Variants in CFAP299 observed in about 807,000 individuals in gnomAD.
CFAP299 encodes the protein cilia and flagella associated protein 299, also known as cilia- and flagella-associated protein 299.
In CFAP299, 21 loss-of-function variants were observed where a neutral mutation model predicts 27.0. That is an observed-to-expected ratio of 0.78 (90% CI 0.55 to 1.12). The LOEUF is 1.12. CFAP299 is among the 50% of genes most tolerant of loss of function. The pLI, the probability that CFAP299 is intolerant of heterozygous loss-of-function variation, is 0.00. For synonymous variants in CFAP299, 104 were observed against 98.1 expected (o/e 1.06, Z -0.36); for missense variants, 310 against 276.6 (o/e 1.12, Z -0.86).
intron 3 of CFAP299, among the ~76,000 whole-genome samples, chr4:80,612,507 C>T (rs1295187313): frequency 1.3e-5 from 2 of 152,030 alleles, no homozygotes; most frequent in East Asian, 1.9e-4. Flanking sequence ...TTTGCAGAAA[C>T]ATCCCATCCA....
chr4:80,775,920 A>C (rs575064654), intron 3 of CFAP299, among the ~76,000 whole-genome samples: 14 of 152,272 alleles, frequency 9.2e-5, no homozygotes, highest in African/African-American at 3.1e-4. Context: ...TAAATATGAC[A>C]ATTTGATGCC....
intron 3 of CFAP299, among the ~76,000 whole-genome samples, chr4:80,758,304 GCCAGATGC>G (rs1393504360): frequency 6.6e-6 from 1 of 152,104 alleles, no homozygotes; most frequent in African/African-American, 2.4e-5. Context: ...GTTGTCCCAG[GCCAGATGC>G]CTCTCCAAAG....
chr4:80,904,587 C>A (rs529143427), intron 4 of CFAP299, among the ~76,000 whole-genome samples: 1 of 151,144 alleles, frequency 6.6e-6, no homozygotes, highest in African/African-American at 2.4e-5. Flanking sequence ...ATGGTAAGAT[C>A]TGGAGGGACT....
intron 2 of CFAP299, among the ~76,000 whole-genome samples, chr4:80,557,655 G>A (rs1206587123): frequency 6.6e-6 from 1 of 151,998 alleles, no homozygotes; most frequent in East Asian, 1.9e-4. Context: ...TAGGTCCCAT[G>A]CCAAAAGTAT....
At chr4:80,855,903 G>C (rs533949388) in intron 3 of CFAP299, among the ~76,000 whole-genome samples, 1 of 151,612 alleles carries the variant, frequency 6.6e-6, no homozygotes, top group Non-Finnish European at 1.5e-5. Flanking sequence ...ATGATTTATA[G>C]TCCTTTGGGT....
At chr4:80,757,804 C>T (rs1312155538) in intron 3 of CFAP299, among the ~76,000 whole-genome samples, 1 of 152,038 alleles carries the variant, frequency 6.6e-6, no homozygotes, top group Non-Finnish European at 1.5e-5. Context: ...TCCCTGACCC[C>T]TTTGTGGGTG....
intron 3 of CFAP299, among the ~76,000 whole-genome samples, chr4:80,769,046 C>A (rs1726056689): frequency 1.3e-5 from 2 of 152,138 alleles, no homozygotes; most frequent in Non-Finnish European, 2.9e-5. Context: ...GGGAGCAGAG[C>A]AGATTAGATT....
intron 2 of CFAP299, chr4:80,387,054 T>C: frequency 7.1e-7 from 1 of 1,411,298 alleles, no homozygotes; most frequent in Non-Finnish European, 1.0e-6. Context: ...CTTCTAGCAG[T>C]GTGGGCAGGG....
At chr4:80,431,936 A>T (rs1475261490) in intron 2 of CFAP299, among the ~76,000 whole-genome samples, 1 of 152,104 alleles carries the variant, frequency 6.6e-6, no homozygotes, top group Admixed American at 6.5e-5. Flanking sequence ...TTCACAGAAG[A>T]GTTTGTTGTT....
At chr4:80,865,928 G>T (rs1334716205) in intron 3 of CFAP299, among the ~76,000 whole-genome samples, 1 of 99,240 alleles carries the variant, frequency 1.0e-5, no homozygotes, top group Non-Finnish European at 2.1e-5. Context: ...GTGGGGTGGG[G>T]GGAGGGGGGA....
intron 2 of CFAP299, among the ~76,000 whole-genome samples, chr4:80,491,128 A>G (rs1427494735): frequency 1.3e-5 from 2 of 152,066 alleles, no homozygotes; most frequent in African/African-American, 2.4e-5. Flanking sequence ...CAAAATTATT[A>G]AACTGTAATA....
intron 2 of CFAP299, among the ~76,000 whole-genome samples, chr4:80,572,394 A>T (rs1735624331): frequency 1.3e-5 from 2 of 151,350 alleles, no homozygotes; most frequent in African/African-American, 4.9e-5. Flanking sequence ...TTTAGCTTCT[A>T]GCTTCCACAA....
intron 2 of CFAP299, among the ~76,000 whole-genome samples, chr4:80,388,915 G>A (rs1270854094): frequency 1.3e-5 from 2 of 151,982 alleles, no homozygotes; most frequent in Non-Finnish European, 2.9e-5. Flanking sequence ...TATTAATAGT[G>A]TACCTTCCTT....
At chr4:80,897,858 C>G (rs987222383) in intron 4 of CFAP299, among the ~76,000 whole-genome samples, 2 of 152,174 alleles carry the variant, frequency 1.3e-5, no homozygotes, top group Non-Finnish European at 2.9e-5. Context: ...TAAATTGAAA[C>G]AGGGTATTTC....
chr4:80,843,234 T>C (rs59934470), intron 3 of CFAP299, among the ~76,000 whole-genome samples: 5,404 of 151,884 alleles, frequency 0.036, 198 homozygotes, highest in African/African-American at 0.099. Context: ...TCCCCCAGCC[T>C]GCCACCCCAC....
chr4:80,749,206 A>T (rs1347579842), intron 3 of CFAP299, among the ~76,000 whole-genome samples: 2 of 152,168 alleles, frequency 1.3e-5, no homozygotes, highest in African/African-American at 4.8e-5. Context: ...GACATCTGGG[A>T]TGCAGTACTG....
At chr4:80,708,606 T>A (rs541521919) in intron 3 of CFAP299, among the ~76,000 whole-genome samples, 2 of 152,262 alleles carry the variant, frequency 1.3e-5, no homozygotes, top group African/African-American at 2.4e-5. Flanking sequence ...GTGCCTTTCG[T>A]GTTAATATTT....
intron 1 of CFAP299, among the ~76,000 whole-genome samples, chr4:80,359,752 A>G (rs556432655): frequency 1.3e-5 from 2 of 152,224 alleles, no homozygotes; most frequent in Admixed American, 1.3e-4. Flanking sequence ...GCTTCTGTGC[A>G]TTGGGTTTCA....
chr4:80,497,226 C>T (rs1184607001), intron 2 of CFAP299, among the ~76,000 whole-genome samples: 7 of 152,078 alleles, frequency 4.6e-5, no homozygotes, highest in Admixed American at 4.6e-4. Context: ...GCTATGATCG[C>T]ACCACTGCAC....
Sources: allele counts gnomAD v4.1 joint callset (sites outside exome capture counted in the v4.1 genomes callset), GRCh38; gene constraint gnomAD v4.1.1; transcripts MANE v1.5; gene names NCBI Gene and HGNC (gene_info 2026-07-23, HGNC 2026-07-21).